The following MYO6 variants were observed in gnomAD, a reference collection of about 807,000 sequenced individuals.
MYO6 encodes myosin VI.
A neutral mutation model predicts 178.7 loss-of-function variants in MYO6; 74 were observed. That is an observed-to-expected ratio of 0.41 (90% confidence interval 0.34 to 0.50). MYO6 has a LOEUF of 0.50. Ranked by LOEUF, MYO6 falls within the 20% of genes least tolerant of loss-of-function variation. MYO6 has a pLI of 0.09. For missense variants in MYO6, 1,330 were observed against 1,547.4 expected (o/e 0.86, Z 2.36); for synonymous variants, 477 against 504.6 (o/e 0.95, Z 0.73).
chr6:75,848,400 A>G lies in MYO6; in HGVS notation c.947A>G (p.Asp316Gly). The G allele has an allele frequency of 6.2e-7, 1 of 1,613,806 alleles. No homozygotes were observed. Among genetic ancestry groups the G allele is most frequent in the Non-Finnish European group, 8.5e-7 (1 of 1,179,824 alleles). The change falls in exon 11 of 35, where the codon GAT (aspartate) becomes GGT (glycine). Residue 316 changes from aspartate to glycine, a missense_variant. By Grantham distance (94) the Asp-to-Gly change is moderately conservative. Around this residue, in one of 3 missense-constraint regions of MYO6, gnomAD observed 613 missense variants for 816.8 expected, o/e 0.75. Transcript: ENST00000369977. Reference sequence around the variant, plus strand: ...GATCCTCTGCTAGATGACCATGGTGATTTTATTAGAATGTGCACGGCTATG... The same window carrying G: ...GATCCTCTGCTAGATGACCATGGTGGTTTTATTAGAATGTGCACGGCTATG... The part of the protein sequence containing the change: ...MKDPLLDDHG[D>G]FIRMCTAMKK...
At chr6:75,855,955 C>T (rs550486329) in intron 12 of MYO6, among the ~76,000 whole-genome samples, 6 of 152,152 alleles carry the variant, frequency 3.9e-5, no homozygotes, top group East Asian at 1.9e-4. Context: ...GACATATTTC[C>T]GAAAAAGTTG....
At chr6:75,794,494 G>T (rs1261610685) in intron 1 of MYO6, among the ~76,000 whole-genome samples, 1 of 152,136 alleles carries the variant, frequency 6.6e-6, no homozygotes, top group African/African-American at 2.4e-5. Flanking sequence ...TAAAATATAT[G>T]TTCTCAAAAT....
intron 12 of MYO6, among the ~76,000 whole-genome samples, chr6:75,855,614 C>T (rs2149279227): frequency 6.6e-6 from 1 of 152,184 alleles, no homozygotes; most frequent in South Asian, 2.1e-4. Context: ...TGTACTAAAA[C>T]ACATCTATTA....
At chr6:75,839,423 C>T (rs1301058660) in intron 7 of MYO6, among the ~76,000 whole-genome samples, 2 of 152,032 alleles carry the variant, frequency 1.3e-5, no homozygotes, top group African/African-American at 2.4e-5. Context: ...CTTCAGCCCT[C>T]GAGATCCGCC....
chr6:75,757,381 A>G (rs962536774), intron 1 of MYO6, among the ~76,000 whole-genome samples: 31 of 149,160 alleles, frequency 2.1e-4, no homozygotes, highest in Non-Finnish European at 3.4e-4. Context: ...GTGTATATAT[A>G]TGTATACACA....
At chr6:75,862,829 G>A (rs556611611) in intron 16 of MYO6, 106 bp downstream of exon 16, 368 of 1,298,078 alleles carry the variant, frequency 2.8e-4, no homozygotes, top group Non-Finnish European at 3.2e-4. Context: ...AAATTATGGC[G>A]TGTATAGAGC....
At chr6:75,838,808 C>T (rs1406682431) in intron 7 of MYO6, among the ~76,000 whole-genome samples, 1 of 151,572 alleles carries the variant, frequency 6.6e-6, no homozygotes, top group Admixed American at 6.6e-5. Flanking sequence ...ATTACAGGTG[C>T]CCACCACCAT....
At chr6:75,782,561 A>G (rs1297166257) in intron 1 of MYO6, among the ~76,000 whole-genome samples, 1 of 152,124 alleles carries the variant, frequency 6.6e-6, no homozygotes, top group Non-Finnish European at 1.5e-5. Flanking sequence ...CTTGCCTGCT[A>G]TTCATTTAGT....
chr6:75,829,680 A>T (rs939707736), intron 4 of MYO6, among the ~76,000 whole-genome samples: 3 of 152,192 alleles, frequency 2.0e-5, no homozygotes, highest in Non-Finnish European at 2.9e-5. Context: ...TTAAGTTTAA[A>T]TGTGGCTATT....
Position 75,866,579 on chromosome 6 carries a change from C to T in MYO6, c.1728C>T (p.Gly576=). The change falls in exon 17 of 35, where the codon GGC becomes GGT. Residue 576 remains glycine, a synonymous_variant. Coordinates refer to ENST00000369977, the MANE Select transcript of MYO6 (RefSeq NM_004999.4). The part of the protein sequence containing the change: ...AVHRNIRDDE[G]FIIRHFAGAV... ...ATAGGAATATCAGAGACGACGAAGG[C>T]TTCATTATCAGGCATTTTGCGGGGG... 1 of 1,614,032 alleles carries T rather than the reference C, an allele frequency of 6.2e-7. No individual in the cohort carries two copies. Among genetic ancestry groups the T allele is most frequent in the East Asian group, 2.2e-5 (1 of 44,872 alleles).
At chr6:75,760,035 C>G (rs769471852) in intron 1 of MYO6, among the ~76,000 whole-genome samples, 18 of 152,148 alleles carry the variant, frequency 1.2e-4, no homozygotes, top group African/African-American at 1.9e-4. Flanking sequence ...TTTCGCTTTT[C>G]TGGAATTTAT....
intron 1 of MYO6, among the ~76,000 whole-genome samples, chr6:75,788,240 T>G (rs867083202): frequency 8.6e-5 from 13 of 151,502 alleles, no homozygotes; most frequent in Non-Finnish European, 1.6e-4. Context: ...GGTGGGTGCT[T>G]GTGGTCCCAG....
chr6:75,848,527 T>C lies in MYO6; in HGVS notation c.1074T>C (p.Thr358=), dbSNP rs764659198. The change falls in exon 11 of 35, where the codon ACT becomes ACC. Residue 358 remains threonine, a synonymous_variant. Coordinates refer to ENST00000369977, the MANE Select transcript of MYO6 (RefSeq NM_004999.4). ...TTGATTTTGAGGAAGCTGGCAGCAC[T>C]TCAGGTTTGCTTTTTATTTTTTTAA... ...GNIDFEEAGS[T]SGGCNLKNKS... 67 of 1,612,122 alleles carry C rather than the reference T, an allele frequency of 4.2e-5. No homozygotes were observed. In the South Asian group the frequency reaches 7.2e-4, roughly 17 times the overall value.
Position 75,915,036 on chromosome 6 carries a change from T to C in MYO6, c.*24T>C. On this transcript the variant is annotated 3_prime_UTR_variant, in exon 35 of 35. Transcript: ENST00000369977. ...AGATGTTGCACACCAGCCTTACAGC[T>C]GGGAGCCTTTGCCATGGTACTTAGG... 1 of 1,598,268 alleles carries C rather than the reference T, an allele frequency of 6.3e-7. No individual in the cohort carries two copies. The highest frequency in any genetic ancestry group is 1.3e-5 in the African/African-American group (1 of 74,784).
intron 1 of MYO6, among the ~76,000 whole-genome samples, chr6:75,772,295 G>T (rs1011993392): frequency 6.6e-6 from 1 of 152,000 alleles, no homozygotes; most frequent in Non-Finnish European, 1.5e-5. Flanking sequence ...TAGGCCATTT[G>T]ATCATTGATG....
Position 75,758,562 on chromosome 6 carries a change from G to A in MYO6, c.-48+9139G>A, listed in dbSNP as rs946118048. Among the ~76,000 whole-genome samples, 8 of 152,036 alleles carry A rather than the reference G, an allele frequency of 5.3e-5. No individual in the cohort carries two copies. In the East Asian group the frequency reaches 1.2e-3, roughly 22 times the overall value. ...TGCAAGCTCCGCCTCCTGGGTTCAC[G>A]CCATTCTCCTGCCTCAGCCTCCCAA... On this transcript the variant is annotated intron_variant, in intron 1 of 34. Transcript: ENST00000369977.
intron 10 of MYO6, among the ~76,000 whole-genome samples, chr6:75,847,256 C>T (rs1451706385): frequency 6.6e-6 from 1 of 151,962 alleles, no homozygotes; most frequent in Non-Finnish European, 1.5e-5. Context: ...AGATATTTTC[C>T]AGAAATGTTA....
chr6:75,829,953 A>G (rs1205431794), intron 4 of MYO6, among the ~76,000 whole-genome samples: 1 of 152,200 alleles, frequency 6.6e-6, no homozygotes, highest in Non-Finnish European at 1.5e-5. Flanking sequence ...TAAACTCCTT[A>G]GTAGCAGGGT....
intron 3 of MYO6, among the ~76,000 whole-genome samples, chr6:75,824,119 T>G (rs1772188739): frequency 6.6e-6 from 1 of 152,252 alleles, no homozygotes; most frequent in African/African-American, 2.4e-5. Context: ...CCTTTTCATT[T>G]ATTAATGTGT....
Sources: allele counts gnomAD v4.1 joint callset (sites outside exome capture counted in the v4.1 genomes callset), GRCh38; gene constraint gnomAD v4.1.1; regional missense constraint gnomAD v4.1.1; transcripts MANE v1.5; gene names NCBI Gene and HGNC (gene_info 2026-07-23, HGNC 2026-07-21).